JMJD1C: variants seen among roughly 807,000 people sequenced by gnomAD.
JMJD1C encodes jumonji domain containing 1C, also known as jumonji domain-containing protein 1C.
JMJD1C carries 31 observed loss-of-function variants against 245.3 expected under a neutral mutation model. The observed-to-expected ratio is 0.13, with a 90% confidence interval of 0.09 to 0.17. The LOEUF is 0.17. Ranked by LOEUF, JMJD1C falls within the 10% of genes least tolerant of loss-of-function variation. The pLI is 1.00. For synonymous variants in JMJD1C, 1,057 were observed against 1,017.4 expected (o/e 1.04, Z -0.74); for missense variants, 2,691 against 3,000.2 (o/e 0.90, Z 2.41).
At chr10:63,482,122 T>C (rs1316675780) in intron 1 of JMJD1C, among the ~76,000 whole-genome samples, 1 of 152,154 alleles carries the variant, frequency 6.6e-6, no homozygotes, top group Non-Finnish European at 1.5e-5. Flanking sequence ...TTCTCCAAAG[T>C]TGTTTCAATC....
intron 5 of JMJD1C, among the ~76,000 whole-genome samples, chr10:63,216,812 G>C (rs529313351): frequency 6.6e-6 from 1 of 152,324 alleles, no homozygotes; most frequent in South Asian, 2.1e-4. Context: ...GACATTTGAT[G>C]TGAGAAGAAA....
At chr10:63,298,809 C>T (rs1235106512) in intron 2 of JMJD1C, among the ~76,000 whole-genome samples, 2 of 152,032 alleles carry the variant, frequency 1.3e-5, no homozygotes, top group Admixed American at 6.6e-5. Context: ...CTCGGCTCAC[C>T]GCAACCTCCA....
At chr10:63,180,162 C>T (rs1329248573) in intron 22 of JMJD1C, among the ~76,000 whole-genome samples, 12 of 152,088 alleles carry the variant, frequency 7.9e-5, no homozygotes, top group African/African-American at 2.4e-4. Context: ...CACCCGCCAC[C>T]ATGCCCAGCT....
intron 2 of JMJD1C, among the ~76,000 whole-genome samples, chr10:63,295,328 G>C (rs531605543): frequency 1.9e-4 from 29 of 151,356 alleles, no homozygotes; most frequent in African/African-American, 7.0e-4. Flanking sequence ...GGCCTGAAGT[G>C]ATACTCCTGC....
chr10:63,331,285 C>G (rs1405753608), intron 2 of JMJD1C, among the ~76,000 whole-genome samples: 1 of 152,140 alleles, frequency 6.6e-6, no homozygotes, highest in Admixed American at 6.5e-5. Context: ...ATGTCCAATC[C>G]TCTGTTAAAA....
At chr10:63,175,247 G>A (rs1842775733) in intron 24 of JMJD1C, among the ~76,000 whole-genome samples, 2 of 152,174 alleles carry the variant, frequency 1.3e-5, no homozygotes, top group South Asian at 2.1e-4. Flanking sequence ...GGTGTATAGG[G>A]TGAATCCCAG....
At chr10:63,397,339 G>A (rs1452325556) in intron 1 of JMJD1C, among the ~76,000 whole-genome samples, 4 of 151,708 alleles carry the variant, frequency 2.6e-5, no homozygotes, top group African/African-American at 7.3e-5. Flanking sequence ...TCAGCCCCCC[G>A]GATAGCTGGG....
chr10:63,208,901 T>A, intron 9 of JMJD1C, 100 bp from the exon 10 acceptor site: 6 of 1,076,604 alleles, frequency 5.6e-6, no homozygotes, highest in Non-Finnish European at 7.9e-6. Flanking sequence ...GTAAAAGACA[T>A]CTTTGCATGT....
At chr10:63,502,942 T>C (rs1055309195) in intron 1 of JMJD1C, among the ~76,000 whole-genome samples, 1 of 152,214 alleles carries the variant, frequency 6.6e-6, no homozygotes, top group Non-Finnish European at 1.5e-5. Context: ...ACTGAGCACA[T>C]ACTATGTATC....
At chr10:63,319,396 A>G (rs1940563610) in intron 2 of JMJD1C, among the ~76,000 whole-genome samples, 1 of 143,998 alleles carries the variant, frequency 6.9e-6, no homozygotes, top group African/African-American at 2.6e-5. Flanking sequence ...AGTCTTTAGC[A>G]TTTTCTTTAT....
chr10:63,324,461 G>GT (rs1284920569), intron 2 of JMJD1C, among the ~76,000 whole-genome samples: 2 of 152,052 alleles, frequency 1.3e-5, no homozygotes, highest in Non-Finnish European at 2.9e-5. Flanking sequence ...TCCTGCAGAC[G>GT]GAGATCAGAT....
In JMJD1C at chr10:63,465,976, C is replaced by G. The variant is rs1400662561; in HGVS notation, c.-314G>C. Reference sequence around the variant, plus strand: ...CGCCGCCACCGCGCCGCGGCCAGTACTGCTCCGTCTCCCTCCCCGGGCAGC... The same window carrying G: ...CGCCGCCACCGCGCCGCGGCCAGTAGTGCTCCGTCTCCCTCCCCGGGCAGC... On this transcript the variant is annotated 5_prime_UTR_variant, in exon 1 of 26. Transcript: ENST00000399262. The G allele has an allele frequency of 2.7e-6, 1 of 363,852 alleles. No homozygotes were observed. The highest frequency in any genetic ancestry group is 2.2e-5 in the African/African-American group (1 of 46,022). The allele number at this position is 363,852 out of a possible 1,614,324, so 22.5% of individuals were successfully genotyped here.
In JMJD1C at chr10:63,516,511, T is replaced by C. The variant is rs1244710989; in HGVS notation, n.113+5227A>G. ...GTCTATCTTGAGCTTAAAACCCTGA[T>C]TTAATCTATTCTATTTTAAATAAAT... is the stretch of plus-strand genomic sequence containing the variant. On this transcript the variant is annotated intron_variant and non_coding_transcript_variant, in intron 1 of 3. Transcript: ENST00000633035. Among the ~76,000 whole-genome samples the C allele has an allele frequency of 2.0e-5, 3 of 152,202 alleles. No individual in the cohort carries two copies. The East Asian group carries it at 5.8e-4, about 29-fold the overall frequency.
At chr10:63,299,738 T>C (rs1294552034) in intron 2 of JMJD1C, among the ~76,000 whole-genome samples, 1 of 152,126 alleles carries the variant, frequency 6.6e-6, no homozygotes, top group Non-Finnish European at 1.5e-5. Context: ...CTGGGTTAAT[T>C]CCTATGAATT....
At chr10:63,218,351 A>G (rs1411224383) in intron 4 of JMJD1C, among the ~76,000 whole-genome samples, 3 of 152,150 alleles carry the variant, frequency 2.0e-5, no homozygotes, top group Admixed American at 1.3e-4. Flanking sequence ...AGTATTCCAT[A>G]TGACCTGTAA....
At chr10:63,199,529 C>A (rs1845799724) in intron 11 of JMJD1C, among the ~76,000 whole-genome samples, 1 of 152,070 alleles carries the variant, frequency 6.6e-6, no homozygotes, top group East Asian at 1.9e-4. Context: ...TTGTCATAAC[C>A]CAGCATCTTA....
In JMJD1C at chr10:63,214,559, T is replaced by C. The variant is rs199536995; in HGVS notation, c.1608A>G (p.Lys536=). The C allele has an allele frequency of 1.5e-4, 238 of 1,614,018 alleles. No individual in the cohort carries two copies. The highest frequency in any genetic ancestry group is 1.2e-3 in the Middle Eastern group (7 of 6,062). ...TTGAATCACTAACATTAGGATCCATTTTCTGAAGTGTCTGAAGGCCAAAGG... is the reference window on the plus strand; with the variant it reads ...TTGAATCACTAACATTAGGATCCATCTTCTGAAGTGTCTGAAGGCCAAAGG... ...SSTFGLQTLQ[K]MDPNVSDSKH... is the part of the protein sequence containing the mutation. Residue 536 remains lysine, a synonymous_variant, in exon 8 of 26, where the codon AAA becomes AAG. Coordinates refer to ENST00000399262, the MANE Select transcript of JMJD1C (RefSeq NM_032776.3).
intron 3 of JMJD1C, among the ~76,000 whole-genome samples, chr10:63,254,173 C>A (rs550100053): frequency 2.0e-5 from 3 of 151,444 alleles, no homozygotes; most frequent in African/African-American, 7.3e-5. Context: ...TTCAGAATAC[C>A]CATATGCACA....
intron 1 of JMJD1C, among the ~76,000 whole-genome samples, chr10:63,518,509 G>A (rs558319570): frequency 1.3e-5 from 2 of 152,320 alleles, no homozygotes; most frequent in African/African-American, 4.8e-5. Context: ...ATGCAGAGCT[G>A]TTTGTGATAC....
Sources: allele counts gnomAD v4.1 joint callset (sites outside exome capture counted in the v4.1 genomes callset), GRCh38; gene constraint gnomAD v4.1.1; transcripts MANE v1.5; gene names NCBI Gene and HGNC (gene_info 2026-07-23, HGNC 2026-07-21).